Variants in DPH6 observed in about 807,000 individuals in gnomAD.
DPH6 encodes the protein diphthamine biosynthesis 6.
A neutral mutation model predicts 38.2 loss-of-function variants in DPH6; 33 were observed. The ratio of observed to expected loss-of-function variants is 0.86; its 90% CI spans 0.65 to 1.15. The LOEUF (loss-of-function observed/expected upper bound fraction) is 1.15, where lower values mean the gene tolerates loss of function less well. Among genes scored for constraint, DPH6 ranks in the 50% most tolerant of loss-of-function variants. DPH6 has a pLI of 0.00. For synonymous variants in DPH6, 108 were observed against 103.0 expected (o/e 1.05, Z -0.30); for missense variants, 325 against 320.0 (o/e 1.02, Z -0.12).
rs1415290826 is a variant in DPH6, at chr15:35,397,864, TATATACACACACAC to T, written c.567+12957_567+12970del. On this transcript the variant is annotated intron_variant, in intron 6 of 8. Coordinates refer to ENST00000256538, the MANE Select transcript of DPH6 (RefSeq NM_080650.4). ...TAAAAATAGATGGAATCAATTTATA[TATATACACACACAC>T]ACACACACACACACACACACACACA... 2.4e-3 allele frequency among the ~76,000 whole-genome samples: 217 copies of T among 88,662 alleles called. 2 individuals carry two copies. Among genetic ancestry groups the T allele is most frequent in the African/African-American group, 0.011 (211 of 19,884 alleles). The allele number at this position is 88,662 out of a possible 152,430, so 58.2% of individuals were successfully genotyped here.
intron 5 of DPH6, among the ~76,000 whole-genome samples, chr15:35,413,337 A>T (rs1014609633): frequency 3.3e-5 from 5 of 151,664 alleles, no homozygotes; most frequent in African/African-American, 1.2e-4. Context: ...GGCCTTAAAA[A>T]TTTTTGATCT....
intron 4 of DPH6, among the ~76,000 whole-genome samples, chr15:35,451,892 C>G (rs887420470): frequency 1.3e-5 from 2 of 152,140 alleles, no homozygotes; most frequent in African/African-American, 4.8e-5. Flanking sequence ...CGCCTGTGGT[C>G]CCAGCTACTC....
intron 3 of DPH6, among the ~76,000 whole-genome samples, chr15:35,240,289 C>A (rs1468684783): frequency 7.0e-6 from 1 of 143,458 alleles, no homozygotes; most frequent in Non-Finnish European, 1.5e-5. Flanking sequence ...TGCCTGACGT[C>A]CAGGCATTCT....
intron 4 of DPH6, among the ~76,000 whole-genome samples, chr15:35,452,352 ACAC>A (rs1424000679): frequency 1.3e-5 from 2 of 152,254 alleles, no homozygotes; most frequent in South Asian, 2.1e-4. Flanking sequence ...CCCAAGTCAT[ACAC>A]TAACTGGCTG....
chr15:35,244,025 G>C lies in DPH6; in HGVS notation n.201-23443C>G, dbSNP rs1245621777. On this transcript the variant is annotated intron_variant and non_coding_transcript_variant, in intron 3 of 3. Transcript: ENST00000560386. The stretch of plus-strand genomic sequence containing the variant: ...TGTTTAATGCTCAAGGAAAATGGCA[G>C]TATTGGATTTTAATTCAGTATAGTA... Among the ~76,000 whole-genome samples the C allele has an allele frequency of 2.0e-5, 3 of 152,186 alleles. No individual in the cohort carries two copies. In the East Asian group the frequency reaches 5.8e-4, roughly 29 times the overall value.
chr15:35,481,348 A>G (rs1663847725), intron 3 of DPH6, among the ~76,000 whole-genome samples: 1 of 152,140 alleles, frequency 6.6e-6, no homozygotes, highest in South Asian at 2.1e-4. Context: ...TGTTTTATTG[A>G]AAAAGGATTT....
At chr15:35,396,008 A>G (rs1404198015) in intron 6 of DPH6, among the ~76,000 whole-genome samples, 1 of 152,202 alleles carries the variant, frequency 6.6e-6, no homozygotes, top group East Asian at 1.9e-4. Context: ...GTCATATTGG[A>G]ATAGCCACTA....
At chr15:35,295,304 C>T (rs939046047) in intron 3 of DPH6, among the ~76,000 whole-genome samples, 2 of 152,156 alleles carry the variant, frequency 1.3e-5, no homozygotes, top group Non-Finnish European at 2.9e-5. Flanking sequence ...GTAACAAAAT[C>T]CCCCCAAGTC....
At chr15:35,447,497 G>A (rs1216075178) in intron 5 of DPH6, among the ~76,000 whole-genome samples, 1 of 151,810 alleles carries the variant, frequency 6.6e-6, no homozygotes, top group South Asian at 2.1e-4. Flanking sequence ...CCATGATTGG[G>A]CTAACTGGCT....
chr15:35,361,607 C>A (rs2052615334), intron 3 of DPH6, among the ~76,000 whole-genome samples: 1 of 150,948 alleles, frequency 6.6e-6, no homozygotes, highest in Non-Finnish European at 1.5e-5. Flanking sequence ...GCTTTCTTCA[C>A]TCTTCTTTCT....
At chr15:35,174,849 C>A in the DPH6 span, among the ~76,000 whole-genome samples, 1 of 152,088 alleles carries the variant, frequency 6.6e-6, no homozygotes, top group Non-Finnish European at 1.5e-5. Flanking sequence ...GGTGGGGTGT[C>A]TAATATCATC....
chr15:35,427,312 A>G (rs781553621), intron 5 of DPH6, among the ~76,000 whole-genome samples: 14 of 151,990 alleles, frequency 9.2e-5, no homozygotes, highest in Non-Finnish European at 1.6e-4. Context: ...TTCCACAGCA[A>G]TAAATCACCA....
At position 35,384,397 on chromosome 15, in the gene DPH6, A is replaced by C. The variant is rs8033268; in HGVS notation, c.568-2481T>G. Among the ~76,000 whole-genome samples the C allele has an allele frequency of 5.5e-3, 837 of 152,332 alleles. 9 individuals are homozygous for C. Among genetic ancestry groups the C allele is most frequent in the African/African-American group, 0.019 (770 of 41,582 alleles). Reference sequence around the variant, plus strand: ...AAGTTATTCTTATACAGATGTATTTAAAGCTATGACATTTGATAAGTTCAT... The same window carrying C: ...AAGTTATTCTTATACAGATGTATTTCAAGCTATGACATTTGATAAGTTCAT... On this transcript the variant is annotated intron_variant, in intron 6 of 8. Transcript: ENST00000256538.
At chr15:35,531,621 G>A (rs1046196173) in intron 3 of DPH6, among the ~76,000 whole-genome samples, 3 of 151,878 alleles carry the variant, frequency 2.0e-5, no homozygotes, top group East Asian at 1.9e-4. Flanking sequence ...TTACAGGCAC[G>A]CACCACCACG....
intron 3 of DPH6, among the ~76,000 whole-genome samples, chr15:35,523,092 G>A (rs998010650): frequency 3.3e-5 from 5 of 151,992 alleles, no homozygotes; most frequent in Admixed American, 2.0e-4. Context: ...TGTGTTTGAT[G>A]AGTTTTGCCA....
intron 5 of DPH6, 75 bp from the exon 6 acceptor site, chr15:35,410,971 C>A: frequency 1.6e-6 from 2 of 1,262,478 alleles, no homozygotes; most frequent in Non-Finnish European, 2.2e-6. Context: ...CTTCCCTTGG[C>A]CCCTCCTCAC....
chr15:35,535,707 T>C (rs1438071937), intron 3 of DPH6, among the ~76,000 whole-genome samples: 1 of 152,128 alleles, frequency 6.6e-6, no homozygotes, highest in Non-Finnish European at 1.5e-5. Flanking sequence ...TTCTAAAGAA[T>C]AAAAGATTAG....
intron 3 of DPH6, among the ~76,000 whole-genome samples, chr15:35,336,563 T>TC (rs2052374696): frequency 6.6e-6 from 1 of 152,198 alleles, no homozygotes; most frequent in Non-Finnish European, 1.5e-5. Flanking sequence ...GCCCATTCAG[T>TC]ATGATACTGG....
chr15:35,371,770 A>T lies in DPH6; in HGVS notation c.*380T>A. ...GACCATCTTTTCATCTTCATTTTCA[A>T]ATGCCTCTGCATCATGACATTATTG... On this transcript the variant is annotated 3_prime_UTR_variant, in exon 9 of 9. Coordinates refer to ENST00000256538, the MANE Select transcript of DPH6 (RefSeq NM_080650.4). The T allele has an allele frequency of 1.0e-6, 1 of 989,660 alleles. No individual in the cohort carries two copies. Among genetic ancestry groups the T allele is most frequent in the South Asian group, 4.7e-5 (1 of 21,454 alleles). The allele number at this position is 989,660 out of a possible 1,614,324, so 61.3% of individuals were successfully genotyped here.
Sources: gnomAD v4.1 joint callset for allele counts (sites outside exome capture counted in the v4.1 genomes callset) on GRCh38, gnomAD v4.1.1 for gene constraint, MANE v1.5 for transcripts, NCBI Gene and HGNC (gene_info 2026-07-23, HGNC 2026-07-21) for gene names.